ZBTB20: variants seen among roughly 807,000 people sequenced by gnomAD.
ZBTB20 encodes the protein zinc finger and BTB domain containing 20.
Under a neutral mutation model 56.9 loss-of-function variants are expected in ZBTB20, and 9 were observed. The ratio of observed to expected loss-of-function variants is 0.16; its 90% CI spans 0.10 to 0.28. The LOEUF (loss-of-function observed/expected upper bound fraction) is 0.28. ZBTB20 is among the 10% of genes least tolerant of loss of function. ZBTB20 has a pLI of 1.00. For synonymous variants in ZBTB20, 417 were observed against 420.7 expected (o/e 0.99, Z 0.11); for missense variants, 655 against 1,003.0 (o/e 0.65, Z 4.69).
At chr3:115,020,170 A>C (rs1220804965) in intron 2 of ZBTB20, among the ~76,000 whole-genome samples, 1 of 151,172 alleles carries the variant, frequency 6.6e-6, no homozygotes, top group Non-Finnish European at 1.5e-5. Flanking sequence ...AAATGTCTTG[A>C]GCCACCAGAA....
chr3:114,880,931 T>C (rs1335175730), intron 4 of ZBTB20, among the ~76,000 whole-genome samples: 2 of 152,142 alleles, frequency 1.3e-5, no homozygotes, highest in South Asian at 4.1e-4. Context: ...GATTTTCTTG[T>C]CTTCTTTCTG....
chr3:114,636,967 T>C (rs1273935407), intron 6 of ZBTB20, among the ~76,000 whole-genome samples: 3 of 151,840 alleles, frequency 2.0e-5, no homozygotes, highest in African/African-American at 7.3e-5. Flanking sequence ...GGGACAAACA[T>C]AGACTCAAAG....
At chr3:114,703,767 C>T (rs1174441582) in intron 5 of ZBTB20, among the ~76,000 whole-genome samples, 1 of 152,154 alleles carries the variant, frequency 6.6e-6, no homozygotes, top group Non-Finnish European at 1.5e-5. Flanking sequence ...TAACAATGGT[C>T]ACTTTAGCCT....
intron 6 of ZBTB20, among the ~76,000 whole-genome samples, chr3:114,669,438 T>TA (rs1422931990): frequency 6.6e-6 from 1 of 152,014 alleles, no homozygotes; most frequent in Non-Finnish European, 1.5e-5. Context: ...AAAAAACTGG[T>TA]AAAACAGGTA....
intron 6 of ZBTB20, among the ~76,000 whole-genome samples, chr3:114,673,163 C>T (rs905570776): frequency 3.3e-5 from 5 of 152,122 alleles, no homozygotes; most frequent in Admixed American, 6.6e-5. Context: ...GTAAGGACAG[C>T]GGGCCATTTT....
chr3:114,397,672 T>C (rs1328054646), intron 7 of ZBTB20, among the ~76,000 whole-genome samples: 1 of 151,906 alleles, frequency 6.6e-6, no homozygotes, highest in Non-Finnish European at 1.5e-5. Context: ...TCAAGATGCA[T>C]CTCAAAAAAA....
At chr3:114,478,812 C>T (rs1371918769) in intron 7 of ZBTB20, among the ~76,000 whole-genome samples, 1 of 152,082 alleles carries the variant, frequency 6.6e-6, no homozygotes, top group Non-Finnish European at 1.5e-5. Flanking sequence ...TAGAAGGTCA[C>T]AATTTTAAAA....
chr3:114,499,824 T>C (rs1233141563), intron 7 of ZBTB20, among the ~76,000 whole-genome samples: 2 of 152,224 alleles, frequency 1.3e-5, no homozygotes, highest in African/African-American at 4.8e-5. Flanking sequence ...GGATTTCTTT[T>C]TTTCCCCTGT....
chr3:114,345,155 T>G (rs12496735), intron 11 of ZBTB20, among the ~76,000 whole-genome samples: 2,907 of 152,342 alleles, frequency 0.019, 52 homozygotes, highest in South Asian at 0.073. Flanking sequence ...AAATTTTCTT[T>G]TATTTATTTT....
rs918372751 is a variant in ZBTB20, at chr3:114,317,761, G to A, written c.*21244C>T. Reference sequence around the variant, plus strand: ...AAGATGAAGGCACGTGATATTATTCGGTCCCACAATCCTTAAGAAAAACGG... The same window carrying A: ...AAGATGAAGGCACGTGATATTATTCAGTCCCACAATCCTTAAGAAAAACGG... On this transcript the variant is annotated 3_prime_UTR_variant, in exon 12 of 12. Coordinates refer to ENST00000675478, the MANE Select transcript of ZBTB20 (RefSeq NM_001348800.3). 2.0e-5 allele frequency: 3 copies of A among 152,066 alleles called. No individual in the cohort carries two copies. Among genetic ancestry groups the A allele is most frequent in the Non-Finnish European group, 2.9e-5 (2 of 68,016 alleles). 9.4% of individuals were successfully genotyped at this position (152,066 alleles called of 1,614,324 possible).
intron 4 of ZBTB20, among the ~76,000 whole-genome samples, chr3:114,862,349 T>C (rs979295273): frequency 9.9e-5 from 15 of 151,984 alleles, no homozygotes; most frequent in African/African-American, 2.9e-4. Context: ...GTTTTGAAAG[T>C]GGATGCCCAG....
At chr3:114,459,338 C>T (rs1180035509) in intron 7 of ZBTB20, among the ~76,000 whole-genome samples, 1 of 152,064 alleles carries the variant, frequency 6.6e-6, no homozygotes, top group Admixed American at 6.6e-5. Context: ...CAAACTAGTC[C>T]ATATTTCCTT....
intron 10 of ZBTB20, among the ~76,000 whole-genome samples, chr3:114,376,941 A>G (rs1318385288): frequency 4.6e-5 from 7 of 152,210 alleles, no homozygotes; most frequent in Non-Finnish European, 8.8e-5. Flanking sequence ...AATGGAAGAA[A>G]TATGCAAGTA....
At chr3:115,074,006 TC>T (rs1293371268) in intron 1 of ZBTB20, among the ~76,000 whole-genome samples, 2 of 152,166 alleles carry the variant, frequency 1.3e-5, no homozygotes, top group African/African-American at 4.8e-5. Flanking sequence ...TTCTCACCTT[TC>T]CTTTCAGCAA....
At position 114,350,851 on chromosome 3, in the gene ZBTB20, G is replaced by A. The variant is rs752264828; in HGVS notation, c.1227C>T (p.Pro409=). 1.2e-6 allele frequency: 2 copies of A among 1,611,126 alleles called. No individual in the cohort carries two copies. The highest frequency in any genetic ancestry group is 1.3e-5 in the African/African-American group (1 of 74,906). The change falls in exon 11 of 12, where the codon CCC becomes CCT. Residue 409 remains proline, a synonymous_variant. Coordinates refer to ENST00000675478, the MANE Select transcript of ZBTB20 (RefSeq NM_001348800.3). ...ARDSQAEPTQ[P]EQAAEAPAEG... is the part of the protein sequence containing the mutation. ...CAGCGGGGGCTTCTGCAGCCTGCTCGGGTTGGGTGGGTTCAGCCTGGCTGT... is the reference window on the plus strand; with the variant it reads ...CAGCGGGGGCTTCTGCAGCCTGCTCAGGTTGGGTGGGTTCAGCCTGGCTGT...
chr3:114,511,012 T>C (rs1462809412), intron 6 of ZBTB20, among the ~76,000 whole-genome samples: 1 of 149,148 alleles, frequency 6.7e-6, no homozygotes, highest in African/African-American at 2.5e-5. Flanking sequence ...AAAAAAAAAG[T>C]GAACATGATG....
chr3:114,954,072 G>A (rs934397221), intron 3 of ZBTB20, among the ~76,000 whole-genome samples: 1 of 152,058 alleles, frequency 6.6e-6, no homozygotes, highest in Non-Finnish European at 1.5e-5. Flanking sequence ...TTATAGAAAT[G>A]AATTTCTGCT....
At chr3:114,882,153 C>T (rs1291729842) in intron 4 of ZBTB20, among the ~76,000 whole-genome samples, 1 of 151,610 alleles carries the variant, frequency 6.6e-6, no homozygotes, top group East Asian at 1.9e-4. Flanking sequence ...AGTATTATAG[C>T]CAATTCACAA....
intron 5 of ZBTB20, among the ~76,000 whole-genome samples, chr3:114,731,204 T>TCCC (rs1343160975): frequency 5.3e-5 from 8 of 152,172 alleles, no homozygotes; most frequent in African/African-American, 1.9e-4. Flanking sequence ...TAATCCCGGT[T>TCCC]CCCTTAACCA....
Sources: gnomAD v4.1 joint callset for allele counts (sites outside exome capture counted in the v4.1 genomes callset) on GRCh38, gnomAD v4.1.1 for gene constraint, MANE v1.5 for transcripts, NCBI Gene and HGNC (gene_info 2026-07-23, HGNC 2026-07-21) for gene names.